Variants in CLASP1 observed in about 807,000 individuals in gnomAD.
The protein encoded by CLASP1 is cytoplasmic linker associated protein 1.
CLASP1 carries 38 observed loss-of-function variants against 192.3 expected under a neutral mutation model. That is an observed-to-expected ratio of 0.20 (90% CI 0.15 to 0.26). CLASP1 has a LOEUF of 0.26. Ranked by LOEUF, CLASP1 falls within the 10% of genes least tolerant of loss-of-function variation. The probability of loss-of-function intolerance (pLI) is 1.00; values close to 1 mark genes in which losing one functional copy is unlikely to be tolerated. For synonymous variants in CLASP1, 691 were observed against 712.8 expected, an observed-to-expected ratio of 0.97 and a Z score of 0.49; for missense variants, 1,433 against 1,932.5, an observed-to-expected ratio of 0.74 and a Z score of 4.85.
intron 2 of CLASP1, among the ~76,000 whole-genome samples, chr2:121,545,603 G>A (rs919802921): frequency 6.6e-6 from 1 of 152,092 alleles, no homozygotes; most frequent in African/African-American, 2.4e-5. Context: ...CTTGGGCATC[G>A]TTGAACTTGA....
intron 1 of CLASP1, among the ~76,000 whole-genome samples, chr2:121,615,100 G>A (rs1196683892): frequency 2.6e-5 from 4 of 152,352 alleles, no homozygotes; most frequent in Admixed American, 2.0e-4. Flanking sequence ...AGCACTTTGG[G>A]AGGCCAAAGT....
At chr2:121,632,782 GC>G (rs2069962752) in intron 1 of CLASP1, among the ~76,000 whole-genome samples, 1 of 151,768 alleles carries the variant, frequency 6.6e-6, no homozygotes, top group Non-Finnish European at 1.5e-5. Context: ...TGTAATCCTA[GC>G]TACTAGGGAG....
In CLASP1 at chr2:121,528,031, A is replaced by G. The variant is rs1377094096; in HGVS notation, c.379-141T>C. Reference sequence around the variant, plus strand: ...CAACACATTTAATCCTCTCGAGAGCATACTGGAAAATGATGACATCTATCA... The same window carrying G: ...CAACACATTTAATCCTCTCGAGAGCGTACTGGAAAATGATGACATCTATCA... On this transcript the variant is annotated intron_variant, in intron 4 of 39. Coordinates refer to ENST00000263710, the Ensembl canonical transcript of CLASP1. 3.3e-5 allele frequency: 20 copies of G among 603,676 alleles called. No homozygotes were observed. In the East Asian group the frequency reaches 5.3e-4, roughly 16 times the overall value. The allele number at this position is 603,676 out of a possible 1,614,324, so 37.4% of individuals were successfully genotyped here. A position where few individuals can be genotyped will look rare whatever the true frequency, so the allele number is the denominator to read the frequency against.
At chr2:121,470,137 A>G (rs2090413108) in intron 8 of CLASP1, 177 bp from the exon 9 acceptor site, 2 of 663,412 alleles carry the variant, frequency 3.0e-6, no homozygotes, top group Non-Finnish European at 5.3e-6. Flanking sequence ...GCCCAGAATG[A>G]AGCTACAAAG....
exon 31 of CLASP1, chr2:121,387,796 G>T: frequency 1.2e-6 from 2 of 1,614,000 alleles, no homozygotes; most frequent in Non-Finnish European, 1.7e-6. Context: ...TGAGGTGGTT[G>T]TGCAGGAGTT....
rs752094504 is a variant in CLASP1 at position 121,530,975 on chromosome 2, C to CT, written c.196-651dup. 305 of 700,418 alleles carry CT rather than the reference C, an allele frequency of 4.4e-4. 1 individual carries two copies. Among genetic ancestry groups the CT allele is most frequent in the South Asian group, 1.2e-3 (78 of 67,502 alleles). 43.4% of individuals were successfully genotyped at this position (700,418 alleles called of 1,614,324 possible). On this transcript the variant is annotated intron_variant, in intron 2 of 39. Coordinates refer to ENST00000263710, the Ensembl canonical transcript of CLASP1. ...AACAACACACCCGCATCAACTAGAG[C>CT]TTTTGCTTTATTTTGGTGCAATTTT...
At chr2:121,496,970 GCA>G (rs1375994623) in intron 8 of CLASP1, among the ~76,000 whole-genome samples, 2 of 152,106 alleles carry the variant, frequency 1.3e-5, no homozygotes, top group Admixed American at 6.5e-5. Flanking sequence ...AATAAGCCAA[GCA>G]CAGAAAGACA....
At chr2:121,348,095 C>A (rs1164470720) in intron 38 of CLASP1, among the ~76,000 whole-genome samples, 1 of 152,094 alleles carries the variant, frequency 6.6e-6, no homozygotes, top group East Asian at 1.9e-4. Flanking sequence ...GTCTGTCTCA[C>A]TTACTGTCTC....
intron 8 of CLASP1, among the ~76,000 whole-genome samples, chr2:121,500,427 G>C (rs1204496545): frequency 6.8e-6 from 1 of 146,860 alleles, no homozygotes; most frequent in Non-Finnish European, 1.5e-5. Flanking sequence ...AAAAAGAAAA[G>C]AGAAAAGAAA....
chr2:121,479,232 G>A (rs2092389712), intron 8 of CLASP1, among the ~76,000 whole-genome samples: 1 of 151,446 alleles, frequency 6.6e-6, no homozygotes, highest in African/African-American at 2.4e-5. Context: ...AGACTGGATT[G>A]GAAGAACTAA....
chr2:121,626,515 G>GA (rs1398061706), intron 1 of CLASP1, among the ~76,000 whole-genome samples: 5 of 152,282 alleles, frequency 3.3e-5, no homozygotes, highest in Middle Eastern at 6.8e-3. Flanking sequence ...GACAAGAAGA[G>GA]ATTCAGAAGC....
chr2:121,400,660 C>T (rs1390184585), intron 28 of CLASP1, among the ~76,000 whole-genome samples: 1 of 152,262 alleles, frequency 6.6e-6, no homozygotes, highest in African/African-American at 2.4e-5. Flanking sequence ...GGCAAACTGT[C>T]TGTTTCTCAC....
At chr2:121,367,868 T>C (rs1461994188) in intron 34 of CLASP1, 37 bp from the exon 36 acceptor site, 1 of 1,603,992 alleles carries the variant, frequency 6.2e-7, no homozygotes, top group African/African-American at 1.3e-5. Flanking sequence ...CTTCTGGGAC[T>C]TGTAATGGAC....
intron 24 of CLASP1, among the ~76,000 whole-genome samples, chr2:121,409,646 C>A (rs552767352): frequency 6.9e-4 from 105 of 152,326 alleles, no homozygotes; most frequent in African/African-American, 1.4e-3. Flanking sequence ...GAAGTCTCAA[C>A]TAAGGGTTTC....
exon 32 of CLASP1, chr2:121,387,200 G>A (rs746640653): frequency 1.9e-5 from 31 of 1,607,692 alleles, no homozygotes; most frequent in East Asian, 4.5e-5. Context: ...TCGGGAGGGC[G>A]TCCGGCCAAT....
intron 2 of CLASP1, chr2:121,530,559 T>C: frequency 1.8e-6 from 1 of 548,474 alleles, no homozygotes; most frequent in Non-Finnish European, 3.3e-6. Context: ...TAAAAGGCAA[T>C]ACAGCGTAGC....
intron 8 of CLASP1, among the ~76,000 whole-genome samples, chr2:121,478,882 A>C (rs1575279980): frequency 2.5e-5 from 2 of 80,622 alleles, no homozygotes; most frequent in East Asian, 3.8e-4. Flanking sequence ...CACACCACAC[A>C]CACACCACAC....
At chr2:121,360,201 C>T (rs754263905) in intron 37 of CLASP1, among the ~76,000 whole-genome samples, 14 of 152,196 alleles carry the variant, frequency 9.2e-5, no homozygotes, top group South Asian at 2.1e-4. Flanking sequence ...CCGAGTCTTA[C>T]GCTCTTCATC....
chr2:121,500,287 AGAGAGAAAGAGG>A (rs912360332), intron 8 of CLASP1, among the ~76,000 whole-genome samples: 8 of 150,918 alleles, frequency 5.3e-5, no homozygotes, highest in African/African-American at 9.8e-5. Context: ...GGTGGGGGAG[AGAGAGAAAGAGG>A]GAGAGACAGA....
Sources: allele counts gnomAD v4.1 joint callset (sites outside exome capture counted in the v4.1 genomes callset), GRCh38; gene constraint gnomAD v4.1.1; transcripts MANE v1.5; gene names NCBI Gene and HGNC (gene_info 2026-07-23, HGNC 2026-07-21).